JAM2: variants seen among roughly 807,000 people sequenced by gnomAD.
JAM2 encodes junctional adhesion molecule 2, also known as junctional adhesion molecule B.
A neutral mutation model predicts 42.0 loss-of-function variants in JAM2; 17 were observed. That is an observed-to-expected ratio of 0.40 (90% confidence interval 0.28 to 0.61). JAM2 has a LOEUF of 0.61. Among genes scored for constraint, JAM2 ranks in the 20% least tolerant of loss-of-function variants. JAM2 has a pLI of 0.37. For synonymous variants in JAM2, 118 were observed against 128.6 expected (o/e 0.92, Z 0.56); for missense variants, 319 against 358.3 (o/e 0.89, Z 0.89).
intron 6 of JAM2, among the ~76,000 whole-genome samples, chr21:25,703,101 C>T (rs1258797618): frequency 1.3e-5 from 2 of 152,352 alleles, no homozygotes; most frequent in East Asian, 1.9e-4. Context: ...ATCCGCCCAC[C>T]TTGGCCTCCC....
At chr21:25,713,501 G>C (rs1051915831) in intron 9 of JAM2, among the ~76,000 whole-genome samples, 2 of 123,902 alleles carry the variant, frequency 1.6e-5, no homozygotes, top group African/African-American at 3.1e-5. Context: ...TGGGTTCTCA[G>C]AAATGCTTTA....
chr21:25,660,316 C>T (rs2026222), intron 1 of JAM2, among the ~76,000 whole-genome samples: 60,594 of 151,974 alleles, frequency 0.4, 14,030 homozygotes, highest in East Asian at 0.64. Context: ...GGTCACATTA[C>T]GTTAGCTGTA....
chr21:25,646,209 A>G (rs1341457669), intron 1 of JAM2, among the ~76,000 whole-genome samples: 7 of 152,250 alleles, frequency 4.6e-5, no homozygotes, highest in Non-Finnish European at 7.3e-5. Flanking sequence ...CCAAAATGTC[A>G]TTATGCAGTG....
At chr21:25,664,704 T>G (rs1360062337) in intron 1 of JAM2, among the ~76,000 whole-genome samples, 1 of 152,258 alleles carries the variant, frequency 6.6e-6, no homozygotes, top group African/African-American at 2.4e-5. Context: ...GGTTTCCTCT[T>G]GGACTTTTTC....
intron 1 of JAM2, among the ~76,000 whole-genome samples, chr21:25,653,191 T>C (rs1334384824): frequency 6.6e-6 from 1 of 152,138 alleles, no homozygotes; most frequent in Non-Finnish European, 1.5e-5. Flanking sequence ...CTAGAAATCA[T>C]ACAATAATAA....
At chr21:25,690,205 A>C (rs929361902) in intron 3 of JAM2, among the ~76,000 whole-genome samples, 5 of 152,200 alleles carry the variant, frequency 3.3e-5, no homozygotes, top group Admixed American at 2.6e-4. Context: ...CTCAGGCATA[A>C]AGTATGCAAA....
intron 5 of JAM2, among the ~76,000 whole-genome samples, chr21:25,701,428 TCTCC>T (rs758177225): frequency 7.3e-5 from 11 of 150,850 alleles, no homozygotes; most frequent in South Asian, 4.2e-4. Flanking sequence ...TTCCTTCCTT[TCTCC>T]CTCCCTCCCT....
chr21:25,714,097 AT>A (rs2034434708), intron 9 of JAM2: 1 of 1,114,448 alleles, frequency 9.0e-7, no homozygotes, highest in African/African-American at 1.6e-5. Flanking sequence ...TCCTAACAGG[AT>A]TTGTCTGCCT....
intron 5 of JAM2, among the ~76,000 whole-genome samples, chr21:25,699,989 C>G (rs1297830826): frequency 1.3e-5 from 2 of 152,068 alleles, no homozygotes; most frequent in African/African-American, 2.4e-5. Context: ...ATTTCCATGA[C>G]TGTAGATCAA....
intron 3 of JAM2, among the ~76,000 whole-genome samples, chr21:25,690,710 C>T (rs1350252774): frequency 6.6e-6 from 1 of 152,108 alleles, no homozygotes; most frequent in East Asian, 1.9e-4. Context: ...AAGGTTGCTT[C>T]TCAGTCATAA....
chr21:25,648,054 T>A (rs1170790829), intron 1 of JAM2, among the ~76,000 whole-genome samples: 1 of 152,016 alleles, frequency 6.6e-6, no homozygotes, highest in Non-Finnish European at 1.5e-5. Flanking sequence ...CTACTAAAAG[T>A]ACAAAAAGTA....
intron 1 of JAM2, among the ~76,000 whole-genome samples, chr21:25,670,777 CT>C (rs2123347314): frequency 6.6e-6 from 1 of 152,320 alleles, no homozygotes; most frequent in South Asian, 2.1e-4. Context: ...ATCAGGGTAG[CT>C]AATTCTTAGG....
chr21:25,676,468 T>C (rs1444421975), intron 1 of JAM2, among the ~76,000 whole-genome samples: 2 of 152,096 alleles, frequency 1.3e-5, no homozygotes, highest in African/African-American at 4.8e-5. Flanking sequence ...AGATGAGTAA[T>C]AGAGAATACA....
chr21:25,678,916 C>T (rs1470372543), intron 1 of JAM2, among the ~76,000 whole-genome samples: 1 of 152,202 alleles, frequency 6.6e-6, no homozygotes, highest in Non-Finnish European at 1.5e-5. Context: ...CCTCCTGCCT[C>T]AGCCTCCCAA....
intron 5 of JAM2, among the ~76,000 whole-genome samples, chr21:25,700,073 C>G (rs1347873596): frequency 6.6e-6 from 1 of 152,202 alleles, no homozygotes; most frequent in African/African-American, 2.4e-5. Flanking sequence ...GTAAAATATT[C>G]TTATTGAAAG....
At chr21:25,684,328 TG>T (rs2033702557) in intron 2 of JAM2, among the ~76,000 whole-genome samples, 1 of 152,232 alleles carries the variant, frequency 6.6e-6, no homozygotes, top group Non-Finnish European at 1.5e-5. Flanking sequence ...TAGCTTACTT[TG>T]GGGTACCATG....
At chr21:25,701,747 G>A (rs1442473944) in intron 5 of JAM2, among the ~76,000 whole-genome samples, 2 of 152,184 alleles carry the variant, frequency 1.3e-5, no homozygotes, top group Non-Finnish European at 2.9e-5. Context: ...GTTGGCTGCT[G>A]CAGTGAACTC....
intron 1 of JAM2, among the ~76,000 whole-genome samples, chr21:25,655,227 T>C (rs2032897255): frequency 6.6e-6 from 1 of 151,664 alleles, no homozygotes; most frequent in Non-Finnish European, 1.5e-5. Context: ...GGATGATGAC[T>C]ATATGGTGTT....
intron 8 of JAM2, 120 bp from the exon 9 acceptor site, chr21:25,712,220 G>A: frequency 1.4e-6 from 1 of 731,892 alleles, no homozygotes; most frequent in Non-Finnish European, 2.5e-6. Flanking sequence ...TTCTACCTAA[G>A]ATATATGTTC....
Sources: allele counts gnomAD v4.1 joint callset (sites outside exome capture counted in the v4.1 genomes callset), GRCh38; gene constraint gnomAD v4.1.1; transcripts MANE v1.5; gene names NCBI Gene and HGNC (gene_info 2026-07-23, HGNC 2026-07-21).